KLHL14: variants seen among roughly 807,000 people sequenced by gnomAD.
The protein encoded by KLHL14 is kelch like family member 14.
A neutral mutation model predicts 64.3 loss-of-function variants in KLHL14; 22 were observed. The observed-to-expected ratio is 0.34, with a 90% CI of 0.24 to 0.49. The LOEUF is 0.49. KLHL14 is among the 20% of genes least tolerant of loss of function. The pLI is 0.99. For missense variants in KLHL14, 661 were observed against 789.0 expected, an observed-to-expected ratio of 0.84 and a Z score of 1.94; for synonymous variants, 322 against 333.4, an observed-to-expected ratio of 0.97 and a Z score of 0.37.
intron 2 of KLHL14, among the ~76,000 whole-genome samples, chr18:32,747,224 G>T (rs917550334): frequency 6.6e-6 from 1 of 152,066 alleles, no homozygotes; most frequent in Non-Finnish European, 1.5e-5. Flanking sequence ...ACCAGGGTCC[G>T]GTTTCATGGA....
chr18:32,762,051 C>T (rs187344521), intron 2 of KLHL14, among the ~76,000 whole-genome samples: 6 of 151,606 alleles, frequency 4.0e-5, no homozygotes, highest in Admixed American at 1.3e-4. Flanking sequence ...CTTTGAACTC[C>T]GAGACTTCTG....
At chr18:32,730,937 C>A (rs999437593) in intron 3 of KLHL14, among the ~76,000 whole-genome samples, 1 of 152,150 alleles carries the variant, frequency 6.6e-6, no homozygotes, top group African/African-American at 2.4e-5. Context: ...CCTTGACAAC[C>A]AGACACAGAG....
intron 3 of KLHL14, among the ~76,000 whole-genome samples, chr18:32,716,274 A>G (rs1465456865): frequency 6.6e-6 from 1 of 152,156 alleles, no homozygotes; most frequent in Admixed American, 6.5e-5. Flanking sequence ...TTAATTCTTC[A>G]GAGAGCGGGC....
At chr18:32,751,002 T>C (rs1378973508) in intron 2 of KLHL14, among the ~76,000 whole-genome samples, 1 of 152,216 alleles carries the variant, frequency 6.6e-6, no homozygotes, top group African/African-American at 2.4e-5. Context: ...AGTAAATGTC[T>C]TCCTGGAATT....
intron 3 of KLHL14, among the ~76,000 whole-genome samples, chr18:32,708,057 G>A (rs185193343): frequency 2.0e-5 from 3 of 152,244 alleles, no homozygotes. Context: ...AACAGAGAGG[G>A]TTTGAAAATC....
At position 32,770,648 on chromosome 18, in the gene KLHL14, G is replaced by A; in HGVS notation, c.-43-14C>T. ...CCCTCCTCCAACCTGGCAGACAGGG[G>A]TGGGGGATGGGAGGGAGGGGAGCAG... On this transcript the variant is annotated splice_polypyrimidine_tract_variant and intron_variant, in intron 1 of 8. Coordinates refer to ENST00000359358, the MANE Select transcript of KLHL14 (RefSeq NM_020805.3). The surrounding 1 kb of genome is among the most constrained non-coding windows in gnomAD (Gnocchi z 6.7). 6 of 1,465,686 alleles carry A rather than the reference G, an allele frequency of 4.1e-6. No individual in the cohort carries two copies. Among genetic ancestry groups the A allele is most frequent in the Non-Finnish European group, 5.4e-6 (6 of 1,106,984 alleles). The allele number at this position is 1,465,686 out of a possible 1,614,324, so 90.8% of individuals were successfully genotyped here.
chr18:32,765,257 TTTAAG>T (rs1488744099), intron 2 of KLHL14, among the ~76,000 whole-genome samples: 6 of 152,220 alleles, frequency 3.9e-5, no homozygotes, highest in Non-Finnish European at 8.8e-5. Flanking sequence ...TTTACTGTTT[TTTAAG>T]TTAAGAAAAT....
chr18:32,761,565 C>A (rs1230202651), intron 2 of KLHL14, among the ~76,000 whole-genome samples: 1 of 152,012 alleles, frequency 6.6e-6, no homozygotes, highest in Non-Finnish European at 1.5e-5. Flanking sequence ...ACCTTTGTTG[C>A]AGAGAAAGTC....
At chr18:32,726,653 T>C (rs1044549881) in intron 3 of KLHL14, among the ~76,000 whole-genome samples, 2 of 151,696 alleles carry the variant, frequency 1.3e-5, no homozygotes, top group African/African-American at 4.8e-5. Flanking sequence ...AAAAATAAAA[T>C]AAAATAAAAT....
intron 2 of KLHL14, chr18:32,743,011 C>T (rs1240142823): frequency 6.6e-6 from 1 of 152,300 alleles, no homozygotes; most frequent in Non-Finnish European, 1.5e-5. Flanking sequence ...GGCCAGCACA[C>T]TCGACCTGAT....
At position 32,769,633 on chromosome 18, in the gene KLHL14, G is replaced by C; in HGVS notation, c.947+12C>G. 1 of 864,942 alleles carries C rather than the reference G, an allele frequency of 1.2e-6. No individual in the cohort carries two copies. The highest frequency in any genetic ancestry group is 1.5e-6 in the Non-Finnish European group (1 of 652,840). The allele number at this position is 864,942 out of a possible 1,614,324, so 53.6% of individuals were successfully genotyped here. ...CCCCCCCTCCCCCGCCCTCCTCTTTGTTGTCTCCTACCTGCTGGCCAGGCT... is the reference window on the plus strand; with the variant it reads ...CCCCCCCTCCCCCGCCCTCCTCTTTCTTGTCTCCTACCTGCTGGCCAGGCT... On this transcript the variant is annotated intron_variant, in intron 2 of 8. Transcript: ENST00000359358.
intron 3 of KLHL14, among the ~76,000 whole-genome samples, chr18:32,733,219 G>A (rs1354437692): frequency 6.6e-6 from 1 of 152,126 alleles, no homozygotes; most frequent in Non-Finnish European, 1.5e-5. Context: ...TGTTTTAGAA[G>A]AAAGTTCCAA....
At chr18:32,729,615 A>G (rs1450287714) in intron 3 of KLHL14, among the ~76,000 whole-genome samples, 5 of 152,232 alleles carry the variant, frequency 3.3e-5, no homozygotes, top group Non-Finnish European at 4.4e-5. Flanking sequence ...CTAATCCAAT[A>G]TGATTCATCT....
chr18:32,764,453 T>C (rs1240393676), intron 2 of KLHL14, among the ~76,000 whole-genome samples: 1 of 152,144 alleles, frequency 6.6e-6, no homozygotes, highest in Non-Finnish European at 1.5e-5. Context: ...CTAATGGGGA[T>C]TTTTTCCACT....
chr18:32,754,736 G>A (rs950129861), intron 2 of KLHL14, among the ~76,000 whole-genome samples: 5 of 152,214 alleles, frequency 3.3e-5, no homozygotes, highest in African/African-American at 1.2e-4. Flanking sequence ...CACTGCAGGA[G>A]TGGCCATGCA....
At chr18:32,738,814 C>T (rs2050180053) in intron 3 of KLHL14, 1 of 152,124 alleles carries the variant, frequency 6.6e-6, no homozygotes, top group Non-Finnish European at 1.5e-5. Flanking sequence ...CCCTCCACTC[C>T]ATTCAACTCA....
intron 8 of KLHL14, among the ~76,000 whole-genome samples, chr18:32,676,008 A>ATGTT (rs1203352573): frequency 1.3e-5 from 2 of 152,232 alleles, no homozygotes; most frequent in African/African-American, 2.4e-5. Flanking sequence ...TCAGGAAAAT[A>ATGTT]TAAAAATGTT....
At chr18:32,705,185 A>G (rs1250533803) in intron 3 of KLHL14, among the ~76,000 whole-genome samples, 1 of 152,240 alleles carries the variant, frequency 6.6e-6, no homozygotes, top group Admixed American at 6.5e-5. Context: ...TCAATGTCTG[A>G]AATCTTATAA....
At chr18:32,700,565 T>A (rs184770722) in intron 3 of KLHL14, among the ~76,000 whole-genome samples, 1 of 152,298 alleles carries the variant, frequency 6.6e-6, no homozygotes, top group Non-Finnish European at 1.5e-5. Flanking sequence ...ACATACTGTT[T>A]AGTGTCTTGC....
Sources: allele counts gnomAD v4.1 joint callset (sites outside exome capture counted in the v4.1 genomes callset), GRCh38; gene constraint gnomAD v4.1.1; non-coding constraint Gnocchi (gnomAD v3.1); transcripts MANE v1.5; gene names NCBI Gene and HGNC (gene_info 2026-07-23, HGNC 2026-07-21).